Variants in TAF1B observed in about 807,000 individuals in gnomAD.
The protein encoded by TAF1B is TATA box-binding protein-associated factor RNA polymerase I subunit B.
A neutral mutation model predicts 83.9 loss-of-function variants in TAF1B; 61 were observed. The observed-to-expected ratio is 0.73, with a 90% CI of 0.59 to 0.90. The LOEUF is 0.90. Ranked by LOEUF, TAF1B falls within the 40% of genes least tolerant of loss-of-function variation. The pLI, the probability that TAF1B is intolerant of heterozygous loss-of-function variation, is 0.00. For missense variants in TAF1B, 625 were observed against 677.0 expected, an observed-to-expected ratio of 0.92 and a Z score of 0.85; for synonymous variants, 221 against 224.6, an observed-to-expected ratio of 0.98 and a Z score of 0.14.
chr2:9,931,038 C>CTT (rs546196413), intron 14 of TAF1B, among the ~76,000 whole-genome samples: 1 of 151,816 alleles, frequency 6.6e-6, no homozygotes, highest in African/African-American at 2.4e-5. Context: ...TCCTCCATCC[C>CTT]TTTTTTTTGA....
At chr2:9,849,943 T>C (rs1179815370) in intron 3 of TAF1B, among the ~76,000 whole-genome samples, 1 of 152,098 alleles carries the variant, frequency 6.6e-6, no homozygotes, top group East Asian at 1.9e-4. Flanking sequence ...AATCCCCAAG[T>C]TTGAAACCAG....
intron 4 of TAF1B, 144 bp from the exon 5 acceptor site, chr2:9,854,182 A>T: frequency 1.6e-6 from 1 of 609,232 alleles, no homozygotes; most frequent in South Asian, 2.2e-5. Flanking sequence ...TTTTGTTCTC[A>T]ACTTGTGAAT....
chr2:9,858,379 C>T (rs938911225), intron 5 of TAF1B, among the ~76,000 whole-genome samples: 1 of 152,230 alleles, frequency 6.6e-6, no homozygotes, highest in African/African-American at 2.4e-5. Flanking sequence ...GTACAGCCCC[C>T]AAGGCTGCTT....
In TAF1B at chr2:9,845,228, T is replaced by C. The variant is rs1490293682; in HGVS notation, c.27T>C (p.Phe9=). 1.2e-6 allele frequency: 2 copies of C among 1,613,666 alleles called. No individual in the cohort carries two copies. Among genetic ancestry groups the C allele is most frequent in the Non-Finnish European group, 1.7e-6 (2 of 1,179,664 alleles). The change falls in exon 2 of 15, where the codon TTT becomes TTC. Residue 9 remains phenylalanine, a synonymous_variant. Coordinates refer to ENST00000263663, the MANE Select transcript of TAF1B (RefSeq NM_005680.3). The part of the protein sequence containing the change: MDLEEAEE[F]KERCTQCAAV... ...GTCCTCTTCTCCCATAGGAAGAGTT[T>C]AAAGAACGCTGTACTCAGTGTGCTG... is the stretch of plus-strand genomic sequence containing the variant.
chr2:9,875,977 A>G lies in TAF1B; in HGVS notation c.666A>G (p.Leu222=), dbSNP rs759169652. 1 of 1,612,960 alleles carries G rather than the reference A, an allele frequency of 6.2e-7. No individual in the cohort carries two copies. Among genetic ancestry groups the G allele is most frequent in the Non-Finnish European group, 8.5e-7 (1 of 1,179,154 alleles). ...PQTLAFCYLS[L]LWQREAITLS... ...CACTTGCCTTCTGTTATCTGTCCTT[A>G]CTTTGGCAGAGAGAAGCAATAACAC... The change falls in exon 7 of 15, where the codon TTA becomes TTG. Residue 222 remains leucine (L), a synonymous_variant. Transcript: ENST00000263663.
chr2:9,886,673 AAGAG>A (rs150245056), intron 8 of TAF1B, among the ~76,000 whole-genome samples: 4 of 151,930 alleles, frequency 2.6e-5, no homozygotes, highest in African/African-American at 9.7e-5. Flanking sequence ...AGGGGACTGC[AAGAG>A]AGAGAGAGAT....
chr2:9,876,855 A>C (rs757344961), intron 7 of TAF1B, among the ~76,000 whole-genome samples: 2 of 152,202 alleles, frequency 1.3e-5, no homozygotes, highest in African/African-American at 2.4e-5. Flanking sequence ...TTAGCGCTAC[A>C]TGGAAAGCAC....
intron 14 of TAF1B, among the ~76,000 whole-genome samples, chr2:9,931,746 A>T (rs1282263459): frequency 6.6e-6 from 1 of 152,194 alleles, no homozygotes; most frequent in East Asian, 1.9e-4. Context: ...TCTCCTGGAT[A>T]ATATCCTGCA....
chr2:9,843,461 A>AG, upstream of TAF1B: 1 of 1,333,330 alleles, frequency 7.5e-7, no homozygotes, highest in Non-Finnish European at 9.7e-7. Flanking sequence ...TTCCGGCCGG[A>AG]AGCTTCTCCA....
At chr2:9,851,426 TGAAAAA>T in intron 3 of TAF1B, 109 bp from the exon 4 acceptor site, 1 of 664,804 alleles carries the variant, frequency 1.5e-6, no homozygotes, top group Non-Finnish European at 2.3e-6. Context: ...CTGGGTTAAT[TGAAAAA>T]AAAAGAAAAA....
intron 12 of TAF1B, among the ~76,000 whole-genome samples, chr2:9,916,096 T>C (rs575327227): frequency 9.0e-4 from 137 of 152,306 alleles, no homozygotes; most frequent in Non-Finnish European, 6.5e-4. Context: ...GGGAGATATT[T>C]TGGAGTGATG....
At chr2:9,849,245 C>T (rs185602262) in intron 2 of TAF1B, 128 bp from the exon 3 acceptor site, 8 of 628,266 alleles carry the variant, frequency 1.3e-5, no homozygotes, top group East Asian at 3.1e-5. Context: ...ATAATTTTCC[C>T]AAGATTTTAC....
chr2:9,920,582 G>GAGGT (rs1558268443), intron 14 of TAF1B, among the ~76,000 whole-genome samples: 1 of 118,738 alleles, frequency 8.4e-6, no homozygotes, highest in Non-Finnish European at 1.7e-5. Flanking sequence ...ACTGGGGCGG[G>GAGGT]GGGCGGGGGG....
intron 5 of TAF1B, among the ~76,000 whole-genome samples, chr2:9,864,651 G>T (rs573413055): frequency 2.0e-5 from 3 of 152,140 alleles, no homozygotes; most frequent in Non-Finnish European, 4.4e-5. Flanking sequence ...GAGAATTTTA[G>T]ATCAATATCC....
chr2:9,910,627 T>G, intron 9 of TAF1B, 109 bp from the exon 10 acceptor site: 1 of 902,492 alleles, frequency 1.1e-6, no homozygotes, highest in South Asian at 2.4e-5. Context: ...TGTGGGTCTC[T>G]GAGTTCTTGC....
chr2:9,880,608 C>G (rs1357617905), intron 7 of TAF1B, among the ~76,000 whole-genome samples: 2 of 152,086 alleles, frequency 1.3e-5, no homozygotes, highest in Admixed American at 6.6e-5. Flanking sequence ...ACAGAACTGA[C>G]TGTGCCTCTG....
intron 8 of TAF1B, among the ~76,000 whole-genome samples, chr2:9,894,896 G>C (rs1487792064): frequency 6.6e-6 from 1 of 152,314 alleles, no homozygotes; most frequent in Middle Eastern, 3.4e-3. Flanking sequence ...CCACAGATAT[G>C]TGAAATTGGA....
intron 8 of TAF1B, among the ~76,000 whole-genome samples, chr2:9,890,687 A>G (rs960837396): frequency 6.6e-6 from 1 of 152,208 alleles, no homozygotes; most frequent in Non-Finnish European, 1.5e-5. Flanking sequence ...TATGTTTACC[A>G]TGTGAAATGA....
At chr2:9,907,053 A>G (rs1665367338) in intron 9 of TAF1B, among the ~76,000 whole-genome samples, 1 of 151,474 alleles carries the variant, frequency 6.6e-6, no homozygotes, top group Admixed American at 6.6e-5. Flanking sequence ...AGTTTTTTTT[A>G]TTGTTATTAT....
Sources: gnomAD v4.1 joint callset for allele counts (sites outside exome capture counted in the v4.1 genomes callset) on GRCh38, gnomAD v4.1.1 for gene constraint, MANE v1.5 for transcripts, NCBI Gene and HGNC (gene_info 2026-07-23, HGNC 2026-07-21) for gene names.